SLC2A14: variants seen among roughly 807,000 people sequenced by gnomAD.
The protein encoded by SLC2A14 is solute carrier family 2 member 14, also known as solute carrier family 2, facilitated glucose transporter member 14.
Under a neutral mutation model 43.0 loss-of-function variants are expected in SLC2A14, and 13 were observed. That is an observed-to-expected ratio of 0.30 (90% confidence interval 0.20 to 0.48). The LOEUF (loss-of-function observed/expected upper bound fraction) is 0.48. Ranked by LOEUF, SLC2A14 falls within the 20% of genes least tolerant of loss-of-function variation. SLC2A14 has a pLI of 0.99. For missense variants in SLC2A14, 428 were observed against 620.4 expected (o/e 0.69, Z 3.29); for synonymous variants, 190 against 233.8 (o/e 0.81, Z 1.71).
rs748957449 is a variant in SLC2A14, at chr12:7,870,953, G to A, written c.-57-1016C>T. ...GATGTTCGACCAGTTCCACATCCAG[G>A]AGTTTAAGGAGGCTTTCAACATGAT... On this transcript the variant is annotated intron_variant, in intron 1 of 10. Coordinates refer to ENST00000431042, the MANE Select transcript of SLC2A14 (RefSeq NM_001286234.2). 1.1e-5 allele frequency: 16 copies of A among 1,431,084 alleles called. No homozygotes were observed. In the South Asian group the frequency reaches 1.6e-4, roughly 14 times the overall value. The allele number at this position is 1,431,084 out of a possible 1,614,324, so 88.6% of individuals were successfully genotyped here.
chr12:7,880,489 A>G (rs1372387189), intron 1 of SLC2A14, among the ~76,000 whole-genome samples: 1 of 149,364 alleles, frequency 6.7e-6, no homozygotes, highest in Admixed American at 6.7e-5. Context: ...AAAAAAAAAT[A>G]CTGATTAATC....
chr12:7,835,192 G>T (rs1226045253), intron 2 of SLC2A14, among the ~76,000 whole-genome samples: 2 of 151,514 alleles, frequency 1.3e-5, no homozygotes, highest in African/African-American at 4.8e-5. Flanking sequence ...TACACCTACA[G>T]CCTGACCAGT....
intron 7 of SLC2A14, among the ~76,000 whole-genome samples, chr12:7,826,924 TTC>T (rs1491171309): frequency 7.9e-6 from 1 of 125,972 alleles, no homozygotes; most frequent in Admixed American, 8.1e-5. Flanking sequence ...TTTTTCCTTT[TTC>T]TTTCCTTTCC....
intron 1 of SLC2A14, chr12:7,890,866 C>T: frequency 9.5e-7 from 1 of 1,051,300 alleles, no homozygotes; most frequent in Non-Finnish European, 1.3e-6. Context: ...TCTTGGTGGC[C>T]TTGACAGCCC....
intron 1 of SLC2A14, among the ~76,000 whole-genome samples, chr12:7,881,319 C>T (rs944470034): frequency 6.6e-6 from 1 of 152,092 alleles, no homozygotes; most frequent in Middle Eastern, 3.4e-3. Flanking sequence ...GCGGTGCTTG[C>T]GGGCCAGCAC....
upstream of SLC2A14, among the ~76,000 whole-genome samples, chr12:7,874,754 T>TAAACA (rs1381596146): frequency 4.7e-4 from 36 of 76,696 alleles, no homozygotes; most frequent in South Asian, 3.0e-3. Context: ...TATATAAATA[T>TAAACA]TTATATAACT....
chr12:7,835,328 A>G (rs139691335), intron 2 of SLC2A14, among the ~76,000 whole-genome samples: 25 of 152,306 alleles, frequency 1.6e-4, no homozygotes, highest in African/African-American at 6.0e-4. Context: ...CAGAGGTTGC[A>G]GTCAGCCGAG....
At chr12:7,866,794 G>GTTC in intron 2 of SLC2A14, among the ~76,000 whole-genome samples, 1 of 152,290 alleles carries the variant, frequency 6.6e-6, no homozygotes, top group Middle Eastern at 3.4e-3. Context: ...GTACAAGGTA[G>GTTC]GTGAAGCAGC....
intron 2 of SLC2A14, among the ~76,000 whole-genome samples, chr12:7,843,163 C>G (rs1365307959): frequency 6.7e-6 from 1 of 150,194 alleles, no homozygotes; most frequent in East Asian, 1.9e-4. Context: ...GTCAGCTGAC[C>G]AATCCTTCCT....
intron 1 of SLC2A14, among the ~76,000 whole-genome samples, chr12:7,889,476 C>T (rs371792302): frequency 6.6e-6 from 1 of 151,308 alleles, no homozygotes; most frequent in African/African-American, 2.4e-5. Flanking sequence ...TCAGGTGATA[C>T]ACCACCTCGG....
intron 1 of SLC2A14, among the ~76,000 whole-genome samples, chr12:7,883,960 G>C (rs1232608595): frequency 2.7e-5 from 4 of 149,260 alleles, no homozygotes; most frequent in Admixed American, 2.0e-4. Context: ...GCCTTGGTCT[G>C]TCGCCCAGGC....
chr12:7,891,104 T>A, exon 1 of SLC2A14: 1 of 1,534,570 alleles, frequency 6.5e-7, no homozygotes, highest in Non-Finnish European at 8.7e-7. Context: ...GTACTTCTAC[T>A]CTCAACAGTT....
chr12:7,828,984 A>C (rs1864758705), intron 5 of SLC2A14, 118 bp from the exon 6 acceptor site: 2 of 1,249,786 alleles, frequency 1.6e-6, no homozygotes, highest in East Asian at 4.8e-5. Context: ...GCACTTTGGA[A>C]GGCTGAGGCA....
intron 4 of SLC2A14, among the ~76,000 whole-genome samples, chr12:7,830,882 A>G (rs6488690): frequency 0.96 from 145,997 of 152,172 alleles, 70,077 homozygotes; most frequent in Non-Finnish European, 0.98. Flanking sequence ...TTAGCACTTT[A>G]GGAGGCTGAG....
intron 1 of SLC2A14, among the ~76,000 whole-genome samples, chr12:7,870,212 C>T (rs1945149010): frequency 1.3e-5 from 2 of 152,072 alleles, no homozygotes; most frequent in African/African-American, 4.8e-5. Context: ...AATGTCTCTC[C>T]TATATTTTGA....
intron 1 of SLC2A14, chr12:7,871,314 A>T: frequency 9.3e-7 from 1 of 1,075,482 alleles, no homozygotes; most frequent in Non-Finnish European, 1.2e-6. Context: ...AAAAAAGACA[A>T]GTTCAACTAG....
chr12:7,847,331 T>C (rs182035859), intron 2 of SLC2A14, among the ~76,000 whole-genome samples: 1 of 152,152 alleles, frequency 6.6e-6, no homozygotes, highest in African/African-American at 2.4e-5. Flanking sequence ...GTACCAATTA[T>C]GAATTTCTTT....
At chr12:7,871,352 G>T in intron 1 of SLC2A14, 1 of 718,150 alleles carries the variant, frequency 1.4e-6, no homozygotes, top group East Asian at 8.2e-5. Flanking sequence ...CCTCATACAT[G>T]GCGCCAAGGG....
At chr12:7,828,322 G>A (rs776159356) in intron 6 of SLC2A14, among the ~76,000 whole-genome samples, 2 of 150,900 alleles carry the variant, frequency 1.3e-5, no homozygotes, top group African/African-American at 2.4e-5. Flanking sequence ...CCGAGATTGC[G>A]CCACTGCACT....
Sources: allele counts gnomAD v4.1 joint callset (sites outside exome capture counted in the v4.1 genomes callset), GRCh38; gene constraint gnomAD v4.1.1; transcripts MANE v1.5; gene names NCBI Gene and HGNC (gene_info 2026-07-23, HGNC 2026-07-21).